The following TRAPPC9 variants were observed in gnomAD, a reference collection of about 807,000 sequenced individuals.
TRAPPC9 encodes the protein IKK2 binding protein.
A neutral mutation model predicts 124.0 loss-of-function variants in TRAPPC9; 83 were observed. That is an observed-to-expected ratio of 0.67 (90% CI 0.56 to 0.80). The LOEUF (loss-of-function observed/expected upper bound fraction) is 0.80, where lower values mean the gene tolerates loss of function less well. TRAPPC9 is among the 30% of genes least tolerant of loss of function. The pLI, the probability that TRAPPC9 is intolerant of heterozygous loss-of-function variation, is 0.00. For synonymous variants in TRAPPC9, 638 were observed against 617.5 expected, an observed-to-expected ratio of 1.03 and a Z score of -0.49; for missense variants, 1,302 against 1,508.3, an observed-to-expected ratio of 0.86 and a Z score of 2.27.
chr8:140,430,394 C>T (rs1480612834), intron 4 of TRAPPC9, among the ~76,000 whole-genome samples: 1 of 152,160 alleles, frequency 6.6e-6, no homozygotes, highest in Non-Finnish European at 1.5e-5. Context: ...CCATTCCTCC[C>T]CCACCCAAGT....
At chr8:140,300,091 A>G (rs144407281) in intron 11 of TRAPPC9, among the ~76,000 whole-genome samples, 4 of 152,364 alleles carry the variant, frequency 2.6e-5, no homozygotes, top group Non-Finnish European at 5.9e-5. Context: ...TATATGAAAT[A>G]AATTTTTTAA....
intron 21 of TRAPPC9, among the ~76,000 whole-genome samples, chr8:139,805,881 TGTAA>T (rs1824012993): frequency 6.6e-6 from 1 of 152,330 alleles, no homozygotes; most frequent in African/African-American, 2.4e-5. Flanking sequence ...AATGCAAGCC[TGTAA>T]GTGTCTCAAT....
intron 9 of TRAPPC9, among the ~76,000 whole-genome samples, chr8:140,318,392 G>T (rs556796063): frequency 1.3e-5 from 2 of 152,146 alleles, no homozygotes; most frequent in African/African-American, 4.8e-5. Context: ...TTTGAAATTT[G>T]TTCCTTTAGT....
At chr8:139,766,885 T>C (rs1363071887) in intron 21 of TRAPPC9, among the ~76,000 whole-genome samples, 1 of 152,258 alleles carries the variant, frequency 6.6e-6, no homozygotes, top group African/African-American at 2.4e-5. Context: ...AATTGCTGTC[T>C]TGTGCGTCCC....
intron 21 of TRAPPC9, among the ~76,000 whole-genome samples, chr8:139,804,070 GCCA>G (rs151187391): frequency 0.014 from 1,986 of 145,200 alleles, 46 homozygotes; most frequent in African/African-American, 0.046. Flanking sequence ...AAGCACCGCC[GCCA>G]CCACCACGAC....
At chr8:140,133,797 C>A (rs1587778492) in intron 17 of TRAPPC9, among the ~76,000 whole-genome samples, 1 of 151,614 alleles carries the variant, frequency 6.6e-6, no homozygotes, top group Admixed American at 6.6e-5. Context: ...AAAGCAATTC[C>A]ATTTAAAATA....
At chr8:139,827,120 G>A (rs990055925) in intron 21 of TRAPPC9, among the ~76,000 whole-genome samples, 21 of 152,286 alleles carry the variant, frequency 1.4e-4, no homozygotes, top group African/African-American at 4.8e-4. Flanking sequence ...TCTAAAATGG[G>A]GAAGGGAAGG....
chr8:140,395,926 C>T (rs576382937), intron 7 of TRAPPC9, among the ~76,000 whole-genome samples: 94 of 152,220 alleles, frequency 6.2e-4, no homozygotes, highest in South Asian at 1.5e-3. Context: ...CCATTCCACC[C>T]GACCCACAGC....
intron 19 of TRAPPC9, among the ~76,000 whole-genome samples, chr8:139,974,086 G>A (rs909569828): frequency 3.3e-5 from 5 of 152,128 alleles, no homozygotes; most frequent in Admixed American, 2.0e-4. Context: ...AGGGAGAGGC[G>A]GTGAGGAAAG....
At chr8:139,887,589 A>C (rs183036772) in intron 20 of TRAPPC9, among the ~76,000 whole-genome samples, 204 of 152,150 alleles carry the variant, frequency 1.3e-3, no homozygotes, top group African/African-American at 4.8e-3. Context: ...CTGAATTCCA[A>C]GCCTCCCCTC....
intron 21 of TRAPPC9, among the ~76,000 whole-genome samples, chr8:139,815,704 T>C (rs1021598124): frequency 6.6e-6 from 1 of 152,168 alleles, no homozygotes; most frequent in African/African-American, 2.4e-5. Flanking sequence ...CTCACTAACA[T>C]TCAACAGTCA....
At chr8:139,794,430 G>T (rs759956584) in intron 21 of TRAPPC9, among the ~76,000 whole-genome samples, 8 of 152,222 alleles carry the variant, frequency 5.3e-5, no homozygotes, top group Non-Finnish European at 7.3e-5. Flanking sequence ...AGAAAAAGGG[G>T]ACTCCAAGGC....
At chr8:140,457,810 G>A, upstream of TRAPPC9, 1 of 1,059,676 alleles carries the variant, frequency 9.4e-7, no homozygotes, top group Admixed American at 4.9e-5. Context: ...GATCCGTCCC[G>A]GGTTTTGCAA....
intron 18 of TRAPPC9, among the ~76,000 whole-genome samples, chr8:140,016,136 T>A (rs142148733): frequency 6.6e-5 from 10 of 152,310 alleles, no homozygotes; most frequent in African/African-American, 2.4e-4. Context: ...AATTAGGTGC[T>A]CTCTCCAACG....
chr8:140,013,213 G>T lies in TRAPPC9; in HGVS notation c.2699+10724C>A, dbSNP rs13272079. ...CAAGCCCATCAAGCCCATCACAGTC[G>T]CAGCAGCTGGGTTCCACTCGGACCG... On this transcript the variant is annotated intron_variant, in intron 18 of 22. Transcript: ENST00000438773. Among the ~76,000 whole-genome samples, 42 of 152,232 alleles carry T rather than the reference G, an allele frequency of 2.8e-4. 1 individual carries two copies. In the East Asian group the frequency reaches 7.7e-3, roughly 28 times the overall value.
intron 17 of TRAPPC9, among the ~76,000 whole-genome samples, chr8:140,217,728 ATG>A (rs1358618936): frequency 1.3e-5 from 2 of 152,192 alleles, no homozygotes; most frequent in Non-Finnish European, 2.9e-5. Context: ...ATTCAATGCC[ATG>A]GCGAGCCAGG....
At chr8:140,306,523 T>C (rs908415686) in intron 10 of TRAPPC9, among the ~76,000 whole-genome samples, 2 of 150,448 alleles carry the variant, frequency 1.3e-5, no homozygotes, top group African/African-American at 4.9e-5. Context: ...AGAAGAATTA[T>C]ATGGAGCAAG....
intron 2 of TRAPPC9, among the ~76,000 whole-genome samples, chr8:140,447,862 C>T (rs558642735): frequency 4.9e-4 from 75 of 152,102 alleles, no homozygotes; most frequent in Non-Finnish European, 5.3e-4. Context: ...ATTAGAGAAC[C>T]AGCCAGGCAC....
chr8:139,777,308 G>T (rs760346706), intron 21 of TRAPPC9, among the ~76,000 whole-genome samples: 16 of 152,204 alleles, frequency 1.1e-4, no homozygotes, highest in Non-Finnish European at 1.8e-4. Context: ...CTGAATGAAG[G>T]ATAGAGAGCT....
Sources: allele counts gnomAD v4.1 joint callset (sites outside exome capture counted in the v4.1 genomes callset), GRCh38; gene constraint gnomAD v4.1.1; transcripts MANE v1.5; gene names NCBI Gene and HGNC (gene_info 2026-07-23, HGNC 2026-07-21).